ACSL1: variants seen among roughly 807,000 people sequenced by gnomAD.
ACSL1 encodes the protein acyl-CoA synthetase long chain family member 1, also known as long-chain-fatty-acid--CoA ligase 1.
A neutral mutation model predicts 98.4 loss-of-function variants in ACSL1; 41 were observed. The observed-to-expected ratio is 0.42, with a 90% confidence interval of 0.32 to 0.54. The LOEUF (loss-of-function observed/expected upper bound fraction) is 0.54, where lower values mean the gene tolerates loss of function less well. ACSL1 is among the 20% of genes least tolerant of loss of function. ACSL1 has a pLI of 0.13. For synonymous variants in ACSL1, 316 were observed against 322.7 expected (o/e 0.98, Z 0.22); for missense variants, 734 against 883.1 (o/e 0.83, Z 2.14).
Position 184,773,642 on chromosome 4 carries a change from C to A in ACSL1, c.841+21G>T, listed in dbSNP as rs767734963. The A allele has an allele frequency of 1.2e-6, 2 of 1,606,362 alleles. No homozygotes were observed. Among genetic ancestry groups the A allele is most frequent in the Admixed American group, 1.7e-5 (1 of 58,482 alleles). Reference sequence around the variant, plus strand: ...GACCAATGGCTGCCATATGTAGAAGCAATTCTATCTCAAAACTCACCTGTA... The same window carrying A: ...GACCAATGGCTGCCATATGTAGAAGAAATTCTATCTCAAAACTCACCTGTA... On this transcript the variant is annotated intron_variant, in intron 9 of 20. Coordinates refer to ENST00000281455, the MANE Select transcript of ACSL1 (RefSeq NM_001995.5). This position sits in a 1 kb window ranked among gnomAD's most constrained non-coding sequence, Gnocchi z 4.3.
intron 1 of ACSL1, among the ~76,000 whole-genome samples, chr4:184,810,762 T>C (rs540487809): frequency 6.8e-4 from 104 of 152,176 alleles, no homozygotes; most frequent in African/African-American, 2.4e-3. Flanking sequence ...AGGAAGATGT[T>C]TGGGGAAATG....
At position 184,803,483 on chromosome 4, in the gene ACSL1, C is replaced by T. The variant is rs1160474463; in HGVS notation, c.32G>A (p.Arg11Gln). 1 of 1,605,326 alleles carries T rather than the reference C, an allele frequency of 6.2e-7. No individual in the cohort carries two copies. The highest frequency in any genetic ancestry group is 1.7e-5 in the Admixed American group (1 of 58,840). ...TCGGAAGTCAACCAGCTCTGGCATT[C>T]GAAAATACCGGAACAGCTCATGGGC... Reference protein sequence around the residue: MQAHELFRYFRMPELVDFRQY... With the variant: MQAHELFRYFQMPELVDFRQY... Residue 11 changes from arginine to glutamine, a missense_variant, in exon 2 of 21, where the codon CGA (arginine) becomes CAA (glutamine). Coordinates refer to ENST00000281455, the MANE Select transcript of ACSL1 (RefSeq NM_001995.5). The surrounding 1 kb of genome is among the most constrained non-coding windows in gnomAD (Gnocchi z 4.8).
intron 1 of ACSL1, among the ~76,000 whole-genome samples, chr4:184,822,571 T>A (rs1773143226): frequency 6.6e-6 from 1 of 151,798 alleles, no homozygotes; most frequent in Non-Finnish European, 1.5e-5. Flanking sequence ...ACCGCTTCAC[T>A]ACGAAAAAAA....
intron 2 of ACSL1, among the ~76,000 whole-genome samples, chr4:184,802,506 C>A (rs1234112371): frequency 1.3e-5 from 2 of 152,086 alleles, no homozygotes; most frequent in African/African-American, 2.4e-5. Context: ...AAGCAAGCGA[C>A]CACAGAGAAA....
chr4:184,760,453 C>T lies in ACSL1; in HGVS notation c.1686G>A (p.Leu562=). 6.2e-7 allele frequency: 1 copy of T among 1,614,144 alleles called. No individual in the cohort carries two copies. The stretch of plus-strand genomic sequence containing the variant: ...CAGGGGCTATGTATTCTCCTTGTGC[C>T]AGCTTAAATATGTGCTTTTTCCGGT... ...IIDRKKHIFK[L]AQGEYIAPEK... The change falls in exon 18 of 21, where the codon CTG becomes CTA. Residue 562 remains leucine, a synonymous_variant. Transcript: ENST00000281455.
At chr4:184,772,660 C>T (rs1227708503) in intron 10 of ACSL1, among the ~76,000 whole-genome samples, 1 of 152,188 alleles carries the variant, frequency 6.6e-6, no homozygotes, top group African/African-American at 2.4e-5. Context: ...CAATGGAAGT[C>T]ACACTGACCA....
intron 4 of ACSL1, among the ~76,000 whole-genome samples, chr4:184,781,611 CT>C (rs1438402416): frequency 2.0e-5 from 3 of 151,282 alleles, no homozygotes; most frequent in East Asian, 1.9e-4. Context: ...TTGTTTCTTT[CT>C]TTTTTTTTCT....
chr4:184,757,409 G>T lies in ACSL1; in HGVS notation c.1957-144C>A. 1 of 1,106,374 alleles carries T rather than the reference G, an allele frequency of 9.0e-7. No individual in the cohort carries two copies. Among genetic ancestry groups the T allele is most frequent in the South Asian group, 1.6e-5 (1 of 62,382 alleles). 68.5% of individuals were successfully genotyped at this position (1,106,374 alleles called of 1,614,324 possible). A position where few individuals can be genotyped will look rare whatever the true frequency, so the allele number is the denominator to read the frequency against. ...GCCAAGCTGCACCTTCTCAACAAAG[G>T]ACAGGCATCCTATTCTTAGGATAGG... On this transcript the variant is annotated intron_variant, in intron 20 of 20. Transcript: ENST00000281455. This position sits in a 1 kb window ranked among gnomAD's most constrained non-coding sequence, Gnocchi z 4.5.
At chr4:184,819,046 A>G (rs1259197492) in intron 1 of ACSL1, among the ~76,000 whole-genome samples, 1 of 151,626 alleles carries the variant, frequency 6.6e-6, no homozygotes, top group Non-Finnish European at 1.5e-5. Flanking sequence ...GGGGAGAGTC[A>G]CTCCAGGAAA....
At position 184,757,282 on chromosome 4, in the gene ACSL1, C is replaced by A. The variant is rs1346772234; in HGVS notation, c.1957-17G>T. 1.3e-6 allele frequency: 2 copies of A among 1,581,122 alleles called. No individual in the cohort carries two copies. The highest frequency in any genetic ancestry group is 1.4e-5 in the African/African-American group (1 of 74,054). On this transcript the variant is annotated splice_polypyrimidine_tract_variant and intron_variant, in intron 20 of 20. Transcript: ENST00000281455. This position sits in a 1 kb window ranked among gnomAD's most constrained non-coding sequence, Gnocchi z 4.5. ...GCCTTTGACCTGCCAATAAACAAGG[C>A]AGTTAAAAGAGGAAAAAGGACACGG...
intron 3 of ACSL1, among the ~76,000 whole-genome samples, chr4:184,787,947 C>T (rs1767687965): frequency 6.6e-6 from 1 of 152,062 alleles, no homozygotes; most frequent in South Asian, 2.1e-4. Context: ...GCAGGAGACT[C>T]ACTTGAGGTC....
Position 184,764,858 on chromosome 4 carries a change from G to A in ACSL1, c.1427C>T (p.Thr476Ile), listed in dbSNP as rs767829093. 1 of 1,613,574 alleles carries A rather than the reference G, an allele frequency of 6.2e-7. No homozygotes were observed. Among genetic ancestry groups the A allele is most frequent in the Non-Finnish European group, 8.5e-7 (1 of 1,179,782 alleles). Reference sequence around the variant, plus strand: ...GGAGCCTCCTACAGCCATACCTGCGGTCCAGTCTCCAGGCATGGTCAGGCA... The same window carrying A: ...GGAGCCTCCTACAGCCATACCTGCGATCCAGTCTCCAGGCATGGTCAGGCA... ...GCCLTMPGDW[T>I]AGHVGAPMPC... Residue 476 changes from threonine (T) to isoleucine (I), a missense_variant, in exon 15 of 21, where the codon ACC becomes ATC. Transcript: ENST00000281455.
intron 16 of ACSL1, 125 bp from the exon 17 acceptor site, chr4:184,762,648 G>A: frequency 4.9e-6 from 4 of 813,684 alleles, no homozygotes; most frequent in Non-Finnish European, 8.2e-6. Context: ...ACTCCAGGAT[G>A]CAGAGGGAGT....
intron 4 of ACSL1, among the ~76,000 whole-genome samples, chr4:184,781,164 G>T (rs1766193541): frequency 6.6e-6 from 1 of 150,568 alleles, no homozygotes; most frequent in Non-Finnish European, 1.5e-5. Context: ...CCAGGAGGCG[G>T]AGTCTGCAGT....
intron 10 of ACSL1, 86 bp from the exon 11 acceptor site, chr4:184,770,562 AGGGGGAG>A: frequency 4.5e-6 from 1 of 222,144 alleles, no homozygotes; most frequent in Non-Finnish European, 8.9e-6. Context: ...GTTGTGGGGT[AGGGGGAG>A]GGGGGAGGGA....
At position 184,819,458 on chromosome 4, in the gene ACSL1, C is replaced by G. The variant is rs960315672; in HGVS notation, c.-33+6458G>C. 3.9e-5 allele frequency among the ~76,000 whole-genome samples: 6 copies of G among 152,022 alleles called. 1 individual carries two copies. Among genetic ancestry groups the G allele is most frequent in the Non-Finnish European group, 5.9e-5 (4 of 67,982 alleles). On this transcript the variant is annotated intron_variant, in intron 1 of 20. Coordinates refer to ENST00000281455, the MANE Select transcript of ACSL1 (RefSeq NM_001995.5). ...ACACCCAGCCTAGATGTACTCAACA[C>G]AAACTTTATCCCAGCAAAAGCACAG...
rs185788977 is a variant in ACSL1, at chr4:184,820,665, C to T, written c.-33+5251G>A. On this transcript the variant is annotated intron_variant, in intron 1 of 20. Coordinates refer to ENST00000281455, the MANE Select transcript of ACSL1 (RefSeq NM_001995.5). ...TGTCACCCAGGCTGGAGTGCTGTGGCGCAATCTTGGCTCACTGCAGCCTCC... is the reference window on the plus strand; with the variant it reads ...TGTCACCCAGGCTGGAGTGCTGTGGTGCAATCTTGGCTCACTGCAGCCTCC... Among the ~76,000 whole-genome samples the T allele has an allele frequency of 4.0e-3, 603 of 152,112 alleles. 3 individuals are homozygous for T. Among genetic ancestry groups the T allele is most frequent in the Non-Finnish European group, 5.6e-3 (378 of 68,008 alleles).
At chr4:184,763,998 G>A (rs376502973) in intron 15 of ACSL1, among the ~76,000 whole-genome samples, 6 of 152,158 alleles carry the variant, frequency 3.9e-5, no homozygotes, top group Admixed American at 6.5e-5. Flanking sequence ...GACTGTCTGC[G>A]TTAATTCCAG....
At chr4:184,814,843 G>A (rs906017166) in intron 1 of ACSL1, among the ~76,000 whole-genome samples, 4 of 152,250 alleles carry the variant, frequency 2.6e-5, no homozygotes, top group Middle Eastern at 3.4e-3. Context: ...ACCCGGCTCA[G>A]CCACTGACCT....
Sources: allele counts gnomAD v4.1 joint callset (sites outside exome capture counted in the v4.1 genomes callset), GRCh38; gene constraint gnomAD v4.1.1; non-coding constraint Gnocchi (gnomAD v3.1); transcripts MANE v1.5; gene names NCBI Gene and HGNC (gene_info 2026-07-23, HGNC 2026-07-21).